CAST: variants seen among roughly 807,000 people sequenced by gnomAD.
CAST encodes calpastatin, also known as MIR583 host.
In CAST, 76 loss-of-function variants were observed where a neutral mutation model predicts 119.6. The ratio of observed to expected loss-of-function variants is 0.64; its 90% CI spans 0.53 to 0.77. CAST has a LOEUF of 0.77. Among genes scored for constraint, CAST ranks in the 30% least tolerant of loss-of-function variants. CAST has a pLI of 0.00. For synonymous variants in CAST, 319 were observed against 331.6 expected (o/e 0.96, Z 0.41); for missense variants, 953 against 946.5 (o/e 1.01, Z -0.09).
the CAST span, among the ~76,000 whole-genome samples, chr5:96,464,203 G>T: frequency 1.4e-4 from 22 of 152,080 alleles, no homozygotes; most frequent in South Asian, 3.3e-3. Flanking sequence ...TACAGAAAAG[G>T]TTCTGGTAAA....
chr5:96,021,287 TA>T, the CAST span, among the ~76,000 whole-genome samples: 1 of 152,138 alleles, frequency 6.6e-6, no homozygotes, highest in Non-Finnish European at 1.5e-5. Flanking sequence ...GCTGACTTAA[TA>T]GAACTTTTTC....
chr5:96,396,475 C>T, the CAST span, among the ~76,000 whole-genome samples: 17 of 151,370 alleles, frequency 1.1e-4, no homozygotes, highest in South Asian at 1.3e-3. Context: ...GCAGGAGAAG[C>T]GCTTGAACCC....
At chr5:96,576,701 T>TG (rs1746678266) in intron 1 of CAST, among the ~76,000 whole-genome samples, 1 of 152,092 alleles carries the variant, frequency 6.6e-6, no homozygotes, top group African/African-American at 2.4e-5. Context: ...TTTTAAATGT[T>TG]GTAGGGCTAT....
the CAST span, among the ~76,000 whole-genome samples, chr5:96,256,002 T>A: frequency 2.0e-5 from 3 of 152,040 alleles, no homozygotes; most frequent in African/African-American, 7.2e-5. Flanking sequence ...GACTTAAATG[T>A]GCAAGAGAGC....
the CAST span, among the ~76,000 whole-genome samples, chr5:96,316,363 T>C: frequency 6.6e-6 from 1 of 152,186 alleles, no homozygotes; most frequent in Non-Finnish European, 1.5e-5. Flanking sequence ...ACATCTTCTC[T>C]GTCCTCTTGT....
At chr5:96,169,030 C>A in the CAST span, among the ~76,000 whole-genome samples, 3 of 152,122 alleles carry the variant, frequency 2.0e-5, no homozygotes, top group African/African-American at 7.2e-5. Flanking sequence ...CATAAAAAGG[C>A]TACAGGGCGC....
At chr5:96,121,109 T>A in the CAST span, among the ~76,000 whole-genome samples, 2 of 152,138 alleles carry the variant, frequency 1.3e-5, no homozygotes, top group Admixed American at 1.3e-4. Flanking sequence ...ACCACATGAC[T>A]TTCTTATTGA....
In CAST at chr5:96,718,981, C is replaced by G. The variant is rs148714751; in HGVS notation, c.211-3658C>G. Among the ~76,000 whole-genome samples the G allele has an allele frequency of 5.9e-4, 90 of 152,162 alleles. No individual in the cohort carries two copies. The East Asian group carries it at 0.016, about 28-fold the overall frequency. On this transcript the variant is annotated intron_variant, in intron 3 of 31. Transcript: ENST00000675179. ...GGAGGCTGAATGGCTGGAGGGGAGGCAGAGAGGATTCCTGTAATCCAGTGG... is the reference window on the plus strand; with the variant it reads ...GGAGGCTGAATGGCTGGAGGGGAGGGAGAGAGGATTCCTGTAATCCAGTGG...
intron 1 of CAST, among the ~76,000 whole-genome samples, chr5:96,639,953 T>C (rs1054436403): frequency 1.3e-5 from 2 of 152,164 alleles, no homozygotes; most frequent in Non-Finnish European, 2.9e-5. Context: ...ACCTGTACTA[T>C]TTGCCATCTC....
At chr5:96,597,026 A>T (rs1049328390) in intron 1 of CAST, among the ~76,000 whole-genome samples, 1 of 152,108 alleles carries the variant, frequency 6.6e-6, no homozygotes, top group Admixed American at 6.5e-5. Flanking sequence ...TAAAGGCTCT[A>T]TCTCCTAATA....
chr5:96,305,154 G>A, the CAST span, among the ~76,000 whole-genome samples: 1 of 152,158 alleles, frequency 6.6e-6, no homozygotes, highest in African/African-American at 2.4e-5. Context: ...TCTCCTTGAA[G>A]AGGTCCTTCA....
the CAST span, among the ~76,000 whole-genome samples, chr5:96,190,304 G>A: frequency 1.7e-4 from 26 of 152,266 alleles, no homozygotes; most frequent in Admixed American, 1.7e-3. Context: ...TTCTGCATCA[G>A]AAGTCCTGGG....
intron 1 of CAST, among the ~76,000 whole-genome samples, chr5:96,531,469 C>T (rs1348443934): frequency 1.3e-5 from 2 of 152,194 alleles, no homozygotes; most frequent in Non-Finnish European, 2.9e-5. Flanking sequence ...CCTACACTCT[C>T]CAGCTTCTAG....
intron 6 of CAST, 99 bp downstream of exon 6, chr5:96,727,629 G>T (rs1460091867): frequency 4.5e-6 from 3 of 668,258 alleles, no homozygotes; most frequent in East Asian, 2.9e-5. Context: ...GGTAAAGGGG[G>T]TTGCTGGCTA....
chr5:96,131,678 C>T, the CAST span, among the ~76,000 whole-genome samples: 1 of 152,262 alleles, frequency 6.6e-6, no homozygotes, highest in East Asian at 1.9e-4. Flanking sequence ...TATCAGCGAC[C>T]TACATGAGAG....
At chr5:96,408,744 A>G in the CAST span, among the ~76,000 whole-genome samples, 1 of 152,256 alleles carries the variant, frequency 6.6e-6, no homozygotes, top group African/African-American at 2.4e-5. Context: ...TCAGATTGAC[A>G]TTTGGCTGCC....
chr5:96,023,073 A>G, the CAST span, among the ~76,000 whole-genome samples: 2 of 152,212 alleles, frequency 1.3e-5, no homozygotes, highest in Admixed American at 6.5e-5. Flanking sequence ...AATTTTTCAG[A>G]TGTAACCCAA....
chr5:96,729,767 G>A (rs1242894369), intron 8 of CAST, 42 bp downstream of exon 8: 1 of 833,160 alleles, frequency 1.2e-6, no homozygotes, highest in South Asian at 1.4e-5. Context: ...ACATCAACTG[G>A]ATAATAAGAT....
At chr5:96,550,241 G>C (rs1010097020) in intron 1 of CAST, among the ~76,000 whole-genome samples, 21 of 152,208 alleles carry the variant, frequency 1.4e-4, no homozygotes, top group African/African-American at 4.6e-4. Flanking sequence ...TTGCTGTTCT[G>C]CAGCCTCTGC....
Sources: gnomAD v4.1 joint callset for allele counts (sites outside exome capture counted in the v4.1 genomes callset) on GRCh38, gnomAD v4.1.1 for gene constraint, MANE v1.5 for transcripts, NCBI Gene and HGNC (gene_info 2026-07-23, HGNC 2026-07-21) for gene names.